Variants in SOX6 observed in about 807,000 individuals in gnomAD.
SOX6 encodes the protein transcription factor SOX-6.
In SOX6, 11 loss-of-function variants were observed where a neutral mutation model predicts 97.8. The ratio of observed to expected loss-of-function variants is 0.11; its 90% confidence interval spans 0.07 to 0.19. The LOEUF is 0.19. Among genes scored for constraint, SOX6 ranks in the 10% least tolerant of loss-of-function variants. The probability of loss-of-function intolerance (pLI) is 1.00; values close to 1 mark genes in which losing one functional copy is unlikely to be tolerated. For synonymous variants in SOX6, 360 were observed against 371.4 expected (o/e 0.97, Z 0.35); for missense variants, 810 against 1,039.5 (o/e 0.78, Z 3.04).
chr11:16,647,921 CAG>C (rs1849037425), intron 3 of SOX6, among the ~76,000 whole-genome samples: 1 of 152,180 alleles, frequency 6.6e-6, no homozygotes, highest in African/African-American at 2.4e-5. Context: ...TTGGGGAAGG[CAG>C]CCAGTGGAAT....
chr11:16,625,037 C>T (rs1443970762), intron 3 of SOX6, among the ~76,000 whole-genome samples: 1 of 152,138 alleles, frequency 6.6e-6, no homozygotes, highest in Non-Finnish European at 1.5e-5. Context: ...CTTTGCCAGA[C>T]ATGTTTTTGC....
chr11:16,636,933 T>G lies in SOX6; in HGVS notation n.430-24673A>C, dbSNP rs561611125. ...AGAACTTTGAGTCAATTAAACCTCTTTCCTTTATAAATTGCCCAGTCTTGG... is the reference window on the plus strand; with the variant it reads ...AGAACTTTGAGTCAATTAAACCTCTGTCCTTTATAAATTGCCCAGTCTTGG... On this transcript the variant is annotated intron_variant and non_coding_transcript_variant, in intron 3 of 5. Transcript: ENST00000524520. 1.6e-4 allele frequency among the ~76,000 whole-genome samples: 24 copies of G among 152,300 alleles called. No individual in the cohort carries two copies. The South Asian group carries it at 3.3e-3, about 21-fold the overall frequency.
At chr11:16,207,056 A>G (rs1482176760) in intron 4 of SOX6, among the ~76,000 whole-genome samples, 2 of 152,148 alleles carry the variant, frequency 1.3e-5, no homozygotes, top group African/African-American at 4.8e-5. Context: ...AAATGCACAT[A>G]CACATATACC....
intron 3 of SOX6, among the ~76,000 whole-genome samples, chr11:16,279,186 A>G (rs1180072214): frequency 6.6e-6 from 1 of 152,110 alleles, no homozygotes; most frequent in Non-Finnish European, 1.5e-5. Context: ...ACAACAGTGG[A>G]TACACCCTAA....
chr11:16,484,595 C>A, intron 4 of SOX6: 1 of 713,066 alleles, frequency 1.4e-6, no homozygotes, highest in East Asian at 2.6e-5. Context: ...AGTCACCTGG[C>A]GTGGAGGGGG....
At chr11:16,287,537 A>G (rs769272701) in intron 3 of SOX6, among the ~76,000 whole-genome samples, 1 of 152,030 alleles carries the variant, frequency 6.6e-6, no homozygotes, top group Non-Finnish European at 1.5e-5. Context: ...AATAGAAAAA[A>G]CACTGAAATA....
chr11:16,298,300 T>A (rs1263001023), intron 3 of SOX6, among the ~76,000 whole-genome samples: 1 of 152,180 alleles, frequency 6.6e-6, no homozygotes, highest in Non-Finnish European at 1.5e-5. Flanking sequence ...ACCATCCTAT[T>A]TTCTTTGCTA....
chr11:16,493,503 G>T (rs7950907), intron 4 of SOX6, among the ~76,000 whole-genome samples: 26,174 of 152,076 alleles, frequency 0.17, 2,287 homozygotes, highest in African/African-American at 0.19. Context: ...GGGAGTAGTG[G>T]TTGGTATAGG....
chr11:16,543,355 A>G (rs1291932095), intron 4 of SOX6, among the ~76,000 whole-genome samples: 3 of 152,116 alleles, frequency 2.0e-5, no homozygotes, highest in Non-Finnish European at 2.9e-5. Flanking sequence ...ATGAGCTTCT[A>G]TTGAAAATGT....
intron 4 of SOX6, among the ~76,000 whole-genome samples, chr11:16,556,672 C>T (rs1435344320): frequency 6.6e-6 from 1 of 151,726 alleles, no homozygotes; most frequent in African/African-American, 2.4e-5. Flanking sequence ...TCACTTTCAT[C>T]AAATAACATT....
rs11024018 is a variant in SOX6 at position 16,706,041 on chromosome 11, C to T, written n.429+8789G>A. 2.6e-3 allele frequency among the ~76,000 whole-genome samples: 398 copies of T among 152,148 alleles called. 14 individuals carry two copies. In the East Asian group the frequency reaches 0.067, roughly 26 times the overall value. On this transcript the variant is annotated intron_variant and non_coding_transcript_variant, in intron 3 of 5. Coordinates refer to the SOX6 transcript ENST00000524520. ...TCTCTAATTGAAAGGGGGAAATTTA[C>T]AGAATGAAGAATTTGTAATTTGATT...
At chr11:16,622,925 C>CT (rs1848566090) in intron 3 of SOX6, among the ~76,000 whole-genome samples, 1 of 152,040 alleles carries the variant, frequency 6.6e-6, no homozygotes, top group South Asian at 2.1e-4. Flanking sequence ...ACATCTATTT[C>CT]TTTTTGTTTG....
rs192426717 is a variant in SOX6 at position 16,674,738 on chromosome 11, G to A, written n.429+40092C>T. ...AGCCAAGGCAGGCAGATCACCTGAG[G>A]CCAGGAGTTCAAGACCAGCCTGGCC... On this transcript the variant is annotated intron_variant and non_coding_transcript_variant, in intron 3 of 5. Coordinates refer to the SOX6 transcript ENST00000524520. 1.3e-4 allele frequency among the ~76,000 whole-genome samples: 20 copies of A among 152,296 alleles called. No homozygotes were observed. In the East Asian group the frequency reaches 2.7e-3, roughly 21 times the overall value.
In SOX6 at chr11:16,049,845, G is replaced by A; in HGVS notation, c.1345C>T (p.Pro449Ser). 6.2e-7 allele frequency: 1 copy of A among 1,613,762 alleles called. No homozygotes were observed. Among genetic ancestry groups the A allele is most frequent in the Non-Finnish European group, 8.5e-7 (1 of 1,179,802 alleles). The change falls in exon 11 of 16, where the codon CCA (proline) becomes TCA (serine). Residue 449 changes from proline (P) to serine (S), a missense_variant. By Grantham distance (74) the Pro-to-Ser change is moderately conservative (BLOSUM62 -1). Transcript: ENST00000683767. ...SPTSPTQNLF[P>S]ASKTSPVNLP... is the part of the protein sequence containing the mutation. Reference sequence around the variant, plus strand: ...TTGACAGGGCTGGTTTTGCTGGCTGGGAAGAGGTTCTGGGTGGGAGACGTT... The same window carrying A: ...TTGACAGGGCTGGTTTTGCTGGCTGAGAAGAGGTTCTGGGTGGGAGACGTT...
At chr11:16,336,482 C>T (rs1040282011) in intron 2 of SOX6, among the ~76,000 whole-genome samples, 1 of 152,104 alleles carries the variant, frequency 6.6e-6, no homozygotes. Context: ...CAATGAATAA[C>T]CTCCCTAACT....
chr11:16,167,819 C>G (rs75041314), intron 6 of SOX6, among the ~76,000 whole-genome samples: 1,835 of 152,282 alleles, frequency 0.012, 35 homozygotes, highest in African/African-American at 0.041. Flanking sequence ...TTCCCATTCC[C>G]TTTCCTCCTT....
intron 1 of SOX6, among the ~76,000 whole-genome samples, chr11:16,367,719 C>T (rs1295751354): frequency 6.6e-6 from 1 of 152,256 alleles, no homozygotes; most frequent in Non-Finnish European, 1.5e-5. Context: ...ATCACCACAA[C>T]AGTGTGAATC....
At chr11:16,244,052 T>C (rs535085711) in intron 3 of SOX6, among the ~76,000 whole-genome samples, 1 of 152,028 alleles carries the variant, frequency 6.6e-6, no homozygotes, top group East Asian at 1.9e-4. Context: ...TCCTGTAAAA[T>C]TGGGGAGCTA....
At chr11:16,161,496 A>G (rs1850748656) in intron 6 of SOX6, among the ~76,000 whole-genome samples, 1 of 152,052 alleles carries the variant, frequency 6.6e-6, no homozygotes, top group South Asian at 2.1e-4. Flanking sequence ...TAAAGTAGTA[A>G]TGGAAACCAA....
Sources: allele counts gnomAD v4.1 joint callset (sites outside exome capture counted in the v4.1 genomes callset), GRCh38; gene constraint gnomAD v4.1.1; transcripts MANE v1.5; gene names NCBI Gene and HGNC (gene_info 2026-07-23, HGNC 2026-07-21).